Variants in ADRA1B observed in about 807,000 individuals in gnomAD.
ADRA1B encodes alpha-1B adrenergic receptor.
A neutral mutation model predicts 17.9 loss-of-function variants in ADRA1B; 17 were observed. The observed-to-expected ratio is 0.95, with a 90% CI of 0.65 to 1.42. ADRA1B has a LOEUF of 1.42. Ranked by LOEUF, ADRA1B falls within the 40% of genes most tolerant of loss-of-function variation. ADRA1B has a pLI of 0.00. For synonymous variants in ADRA1B, 366 were observed against 327.6 expected (o/e 1.12, Z -1.27); for missense variants, 681 against 722.1 (o/e 0.94, Z 0.65).
intron 1 of ADRA1B, among the ~76,000 whole-genome samples, chr5:159,871,671 A>G (rs1324078195): frequency 6.6e-6 from 1 of 152,044 alleles, no homozygotes; most frequent in Non-Finnish European, 1.5e-5. Context: ...CCCCATTTCC[A>G]TTAAAGTCAC....
chr5:159,980,001 A>G, the ADRA1B span, among the ~76,000 whole-genome samples: 9 of 152,098 alleles, frequency 5.9e-5, no homozygotes, highest in Admixed American at 5.2e-4. Flanking sequence ...AAGGAGCCCC[A>G]CCAATGTAAG....
intron 1 of ADRA1B, among the ~76,000 whole-genome samples, chr5:159,891,808 T>A (rs139076138): frequency 1.1e-4 from 17 of 152,228 alleles, no homozygotes; most frequent in Non-Finnish European, 2.1e-4. Context: ...GACTGCTCAA[T>A]CTAGGCCCTG....
At chr5:159,882,541 T>G (rs1312162663) in intron 1 of ADRA1B, among the ~76,000 whole-genome samples, 1 of 152,190 alleles carries the variant, frequency 6.6e-6, no homozygotes, top group Non-Finnish European at 1.5e-5. Flanking sequence ...ACGGGTCATA[T>G]TGAGACAAAA....
At chr5:159,950,495 A>G (rs1433904873) in intron 1 of ADRA1B, 7 of 1,480,856 alleles carry the variant, frequency 4.7e-6, no homozygotes, top group Non-Finnish European at 6.5e-6. Flanking sequence ...CAGGGGTGTT[A>G]CTCCTTGGAG....
At chr5:159,890,674 T>C (rs1426274116) in intron 1 of ADRA1B, among the ~76,000 whole-genome samples, 1 of 152,196 alleles carries the variant, frequency 6.6e-6, no homozygotes, top group Non-Finnish European at 1.5e-5. Context: ...TCCTTACACA[T>C]GACACCTGGG....
intron 1 of ADRA1B, among the ~76,000 whole-genome samples, chr5:159,880,135 T>C (rs147741524): frequency 2.6e-5 from 4 of 152,360 alleles, no homozygotes; most frequent in African/African-American, 9.6e-5. Flanking sequence ...ATGAAGGCCC[T>C]TTTTGGGCAC....
intron 1 of ADRA1B, among the ~76,000 whole-genome samples, chr5:159,881,083 AGAATG>A: frequency 1.3e-5 from 2 of 150,014 alleles, no homozygotes; most frequent in African/African-American, 2.4e-5. Flanking sequence ...CTGAGGCAGG[AGAATG>A]GCGTGAACCC....
chr5:159,897,305 G>A (rs1381727738), intron 1 of ADRA1B, among the ~76,000 whole-genome samples: 1 of 152,000 alleles, frequency 6.6e-6, no homozygotes, highest in Non-Finnish European at 1.5e-5. Context: ...GACCAATATG[G>A]TGAAACCCCG....
At chr5:159,980,131 G>A in the ADRA1B span, among the ~76,000 whole-genome samples, 1 of 152,152 alleles carries the variant, frequency 6.6e-6, no homozygotes, top group African/African-American at 2.4e-5. Flanking sequence ...TAGGAGGGTG[G>A]TTAGGGGGCC....
upstream of ADRA1B, among the ~76,000 whole-genome samples, chr5:159,913,482 C>T (rs535095811): frequency 1.3e-5 from 2 of 152,308 alleles, no homozygotes; most frequent in South Asian, 4.1e-4. Context: ...TTTGCCTTCA[C>T]GAAACACACT....
At chr5:159,976,549 C>T (rs536241832), downstream of ADRA1B, among the ~76,000 whole-genome samples, 2 of 151,854 alleles carry the variant, frequency 1.3e-5, no homozygotes, top group South Asian at 4.2e-4. Flanking sequence ...CACCTGTAAT[C>T]CCAGCTACTC....
At chr5:159,889,390 C>T (rs1310874908) in intron 1 of ADRA1B, among the ~76,000 whole-genome samples, 2 of 152,218 alleles carry the variant, frequency 1.3e-5, no homozygotes, top group Non-Finnish European at 2.9e-5. Flanking sequence ...CCCAACAGCA[C>T]AGTAGTGGGC....
At chr5:159,917,920 C>T in intron 1 of ADRA1B, 66 bp downstream of exon 1, 1 of 1,368,716 alleles carries the variant, frequency 7.3e-7, no homozygotes, top group South Asian at 1.4e-5. Flanking sequence ...GATGAGCTTA[C>T]TCTAAAGTTT....
At chr5:159,945,558 G>T (rs1050029786) in intron 1 of ADRA1B, among the ~76,000 whole-genome samples, 1 of 152,094 alleles carries the variant, frequency 6.6e-6, no homozygotes, top group African/African-American at 2.4e-5. Context: ...CAGCCAGAGT[G>T]CTGGACTGCA....
intron 1 of ADRA1B, among the ~76,000 whole-genome samples, chr5:159,878,350 C>T (rs1042741102): frequency 6.6e-6 from 1 of 152,180 alleles, no homozygotes; most frequent in Non-Finnish European, 1.5e-5. Flanking sequence ...GGGAACAAAG[C>T]TCCAGGAACA....
intron 1 of ADRA1B, among the ~76,000 whole-genome samples, chr5:159,874,212 C>T (rs900805997): frequency 6.6e-6 from 1 of 152,178 alleles, no homozygotes; most frequent in Admixed American, 6.5e-5. Flanking sequence ...ACAATAAAGG[C>T]CTGAAGCTTG....
chr5:159,948,776 G>T (rs1034157015), intron 1 of ADRA1B, among the ~76,000 whole-genome samples: 1 of 152,120 alleles, frequency 6.6e-6, no homozygotes, highest in Non-Finnish European at 1.5e-5. Context: ...ATTTGGGGTT[G>T]TTTCCAATTT....
At chr5:159,895,396 T>C (rs1229726168) in intron 1 of ADRA1B, among the ~76,000 whole-genome samples, 1 of 152,232 alleles carries the variant, frequency 6.6e-6, no homozygotes, top group Non-Finnish European at 1.5e-5. Flanking sequence ...CAATGCCTCA[T>C]TGAAGCTTCA....
intron 1 of ADRA1B, among the ~76,000 whole-genome samples, chr5:159,934,031 C>A (rs951456215): frequency 2.0e-5 from 3 of 152,228 alleles, no homozygotes; most frequent in African/African-American, 7.2e-5. Context: ...TTCGGATTGG[C>A]CCTGGAAGAT....
Sources: gnomAD v4.1 joint callset for allele counts (sites outside exome capture counted in the v4.1 genomes callset) on GRCh38, gnomAD v4.1.1 for gene constraint, MANE v1.5 for transcripts, NCBI Gene and HGNC (gene_info 2026-07-23, HGNC 2026-07-21) for gene names.